Variants in MAML2 observed in about 807,000 individuals in gnomAD.
MAML2 encodes mastermind like transcriptional coactivator 2.
Under a neutral mutation model 96.1 loss-of-function variants are expected in MAML2, and 22 were observed. That is an observed-to-expected ratio of 0.23 (90% CI 0.16 to 0.33). The LOEUF (loss-of-function observed/expected upper bound fraction) is 0.33, where lower values mean the gene tolerates loss of function less well. Among genes scored for constraint, MAML2 ranks in the 10% least tolerant of loss-of-function variants. The pLI, the probability that MAML2 is intolerant of heterozygous loss-of-function variation, is 1.00. For synonymous variants in MAML2, 561 were observed against 521.3 expected (o/e 1.08, Z -1.04); for missense variants, 1,367 against 1,392.4 (o/e 0.98, Z 0.29).
At chr11:96,240,970 T>C (rs774918374) in intron 1 of MAML2, among the ~76,000 whole-genome samples, 1 of 152,202 alleles carries the variant, frequency 6.6e-6, no homozygotes, top group Non-Finnish European at 1.5e-5. Flanking sequence ...AGCATCTCCC[T>C]ATGCTGTGAA....
chr11:96,295,367 T>C (rs1863278695), intron 1 of MAML2, among the ~76,000 whole-genome samples: 2 of 152,150 alleles, frequency 1.3e-5, no homozygotes, highest in South Asian at 4.1e-4. Flanking sequence ...TCAAATTAAT[T>C]TGTAAGCCCA....
At chr11:96,098,127 G>A (rs1859863107) in intron 1 of MAML2, among the ~76,000 whole-genome samples, 1 of 152,152 alleles carries the variant, frequency 6.6e-6, no homozygotes, top group Non-Finnish European at 1.5e-5. Context: ...AAGGCATTCG[G>A]GACACAGGGG....
chr11:96,097,563 C>A (rs1859852288), intron 1 of MAML2, among the ~76,000 whole-genome samples: 1 of 152,022 alleles, frequency 6.6e-6, no homozygotes, highest in South Asian at 2.1e-4. Context: ...GCTGACCTAC[C>A]AATTAGGCAT....
chr11:96,340,853 G>A (rs572412551), intron 1 of MAML2, among the ~76,000 whole-genome samples: 5 of 152,208 alleles, frequency 3.3e-5, no homozygotes, highest in South Asian at 2.1e-4. Context: ...GGGGACATTC[G>A]GGGAATTTGC....
chr11:96,274,450 A>G (rs1194479810), intron 1 of MAML2, among the ~76,000 whole-genome samples: 2 of 152,144 alleles, frequency 1.3e-5, no homozygotes, highest in Non-Finnish European at 2.9e-5. Flanking sequence ...TCTCTCTACT[A>G]TAGCTTTCCT....
intron 1 of MAML2, among the ~76,000 whole-genome samples, chr11:96,112,898 C>G (rs973372544): frequency 6.6e-6 from 1 of 152,218 alleles, no homozygotes; most frequent in Non-Finnish European, 1.5e-5. Context: ...ACTTGGTCAA[C>G]TGCTGAGAAG....
chr11:96,057,958 G>C (rs1415063921), intron 2 of MAML2, among the ~76,000 whole-genome samples: 1 of 152,186 alleles, frequency 6.6e-6, no homozygotes, highest in Non-Finnish European at 1.5e-5. Context: ...ACTGCAAGTT[G>C]TGCTTCCTTC....
intron 1 of MAML2, among the ~76,000 whole-genome samples, chr11:96,174,504 C>T (rs1861351760): frequency 6.6e-6 from 1 of 152,234 alleles, no homozygotes; most frequent in South Asian, 2.1e-4. Flanking sequence ...CTGCCTCAGC[C>T]TCCTGAGTAG....
chr11:96,087,774 C>A (rs1046629116), intron 2 of MAML2, among the ~76,000 whole-genome samples: 15 of 152,212 alleles, frequency 9.9e-5, no homozygotes, highest in African/African-American at 3.4e-4. Flanking sequence ...CTGGCACCAG[C>A]CTAATTGGGT....
chr11:96,298,824 C>T lies in MAML2; in HGVS notation c.513+42559G>A, dbSNP rs888646088. On this transcript the variant is annotated intron_variant, in intron 1 of 4. Transcript: ENST00000524717. Reference sequence around the variant, plus strand: ...TTGGGAGGCTGAGGAGGGTGGATCACGAGGTCAGGAGATCGAGACCATCCT... The same window carrying T: ...TTGGGAGGCTGAGGAGGGTGGATCATGAGGTCAGGAGATCGAGACCATCCT... Among the ~76,000 whole-genome samples the T allele has an allele frequency of 1.2e-3, 182 of 146,624 alleles. 1 individual carries two copies. The highest frequency in any genetic ancestry group is 4.1e-3 in the African/African-American group (164 of 40,358).
chr11:96,299,612 G>C (rs1863358853), intron 1 of MAML2, among the ~76,000 whole-genome samples: 1 of 152,204 alleles, frequency 6.6e-6, no homozygotes, highest in Non-Finnish European at 1.5e-5. Flanking sequence ...CCCACAGCCA[G>C]TGACCCATGA....
intron 1 of MAML2, among the ~76,000 whole-genome samples, chr11:96,329,041 CTAGT>C (rs1468636435): frequency 5.9e-5 from 9 of 151,926 alleles, no homozygotes; most frequent in Admixed American, 5.9e-4. Flanking sequence ...AGCTGAAAGA[CTAGT>C]TAGTTCTTTA....
chr11:96,322,046 A>C (rs1003627515), intron 1 of MAML2, among the ~76,000 whole-genome samples: 7 of 152,168 alleles, frequency 4.6e-5, no homozygotes, highest in African/African-American at 1.7e-4. Context: ...GCTCCCAGTC[A>C]CAGCACATGT....
Position 96,092,180 on chromosome 11 carries a change from T to C in MAML2, c.1851A>G (p.Gln617=), listed in dbSNP as rs7109090. The C allele has an allele frequency of 2.4e-3, 3,724 of 1,540,334 alleles. 49 individuals are homozygous for C. In the African/African-American group the frequency reaches 0.029, roughly 12 times the overall value. ...CTGAAATTGAACTCTGCTGTTGCTG[T>C]TGCTGTTGCTGTTGCTGCTGCTGCT... ...QQQQQQQQQQ[Q]QQQQSSISAQ... The change falls in exon 2 of 5, where the codon CAA becomes CAG. Residue 617 remains glutamine (Q), a synonymous_variant. Transcript: ENST00000524717. The surrounding 1 kb of genome is among the most constrained non-coding windows in gnomAD (Gnocchi z 4.1).
At chr11:96,037,971 G>A (rs977168265) in intron 2 of MAML2, among the ~76,000 whole-genome samples, 32 of 152,050 alleles carry the variant, frequency 2.1e-4, no homozygotes, top group African/African-American at 7.5e-4. Context: ...TTACATTAAC[G>A]TACTAAAGAG....
intron 2 of MAML2, among the ~76,000 whole-genome samples, chr11:96,054,680 TA>T (rs1210900633): frequency 1.3e-5 from 2 of 152,202 alleles, no homozygotes; most frequent in Non-Finnish European, 2.9e-5. Flanking sequence ...ATAACCATAT[TA>T]ACCCTTCCCC....
intron 1 of MAML2, among the ~76,000 whole-genome samples, chr11:96,183,398 C>G (rs559296059): frequency 5.8e-5 from 4 of 68,902 alleles, no homozygotes; most frequent in South Asian, 7.5e-4. Context: ...GTTCCTCCCC[C>G]CCCCCCCTTT....
chr11:96,279,227 G>T (rs1863030630), intron 1 of MAML2, among the ~76,000 whole-genome samples: 1 of 152,198 alleles, frequency 6.6e-6, no homozygotes, highest in African/African-American at 2.4e-5. Flanking sequence ...GAGCACAGGA[G>T]AAAGGTCTTA....
chr11:96,068,389 A>G (rs1392397596), intron 2 of MAML2, among the ~76,000 whole-genome samples: 1 of 144,714 alleles, frequency 6.9e-6, no homozygotes, highest in African/African-American at 2.5e-5. Flanking sequence ...CCCCTAGAAC[A>G]GCAGTTCTCA....
Sources: allele counts gnomAD v4.1 joint callset (sites outside exome capture counted in the v4.1 genomes callset), GRCh38; gene constraint gnomAD v4.1.1; non-coding constraint Gnocchi (gnomAD v3.1); transcripts MANE v1.5; gene names NCBI Gene and HGNC (gene_info 2026-07-23, HGNC 2026-07-21).